Variants in SAMHD1 observed in about 807,000 individuals in gnomAD.
SAMHD1 encodes the protein SAM and HD domain containing deoxynucleoside triphosphate triphosphohydrolase 1, also known as deoxynucleoside triphosphate triphosphohydrolase SAMHD1.
In SAMHD1, 54 loss-of-function variants were observed where a neutral mutation model predicts 79.6. The ratio of observed to expected loss-of-function variants is 0.68; its 90% CI spans 0.55 to 0.85. The LOEUF is 0.85. Ranked by LOEUF, SAMHD1 falls within the 40% of genes least tolerant of loss-of-function variation. The pLI is 0.00. For synonymous variants in SAMHD1, 260 were observed against 264.1 expected, an observed-to-expected ratio of 0.98 and a Z score of 0.15; for missense variants, 663 against 782.7, an observed-to-expected ratio of 0.85 and a Z score of 1.82.
chr20:36,911,184 A>G (rs1176217428), intron 11 of SAMHD1, 34 bp downstream of exon 11: 6 of 1,276,514 alleles, frequency 4.7e-6, no homozygotes, highest in Non-Finnish European at 6.9e-6. Flanking sequence ...AGTTTATCTG[A>G]GATGGACCAT....
At chr20:36,935,844 T>C (rs2063600175) in intron 3 of SAMHD1, among the ~76,000 whole-genome samples, 1 of 152,160 alleles carries the variant, frequency 6.6e-6, no homozygotes, top group African/African-American at 2.4e-5. Context: ...GTGTTGGGAT[T>C]ACAGGCGTGA....
intron 3 of SAMHD1, among the ~76,000 whole-genome samples, chr20:36,938,039 T>C (rs1048137418): frequency 6.6e-6 from 1 of 151,962 alleles, no homozygotes. Flanking sequence ...TTCTATTGTT[T>C]TCTATTGTTT....
chr20:36,898,511 T>G lies in SAMHD1; in HGVS notation c.1537A>C (p.Asn513His). The stretch of plus-strand genomic sequence containing the variant: ...TAGAAGCTAACATGATCAATTGGAT[T>G]CTTTTCTTGCATTCCATAATCCATG... ...INMDYGMQEK[N>H]PIDHVSFYCK... The change falls in exon 14 of 16, where the codon AAT becomes CAT. Residue 513 changes from asparagine to histidine, a missense_variant. Physicochemically the swap from Asn to His is moderately conservative, Grantham distance 68. Coordinates refer to ENST00000646673, the MANE Select transcript of SAMHD1 (RefSeq NM_015474.4). The G allele has an allele frequency of 6.2e-7, 1 of 1,613,970 alleles. No homozygotes were observed. The highest frequency in any genetic ancestry group is 8.5e-7 in the Non-Finnish European group (1 of 1,179,900).
intron 3 of SAMHD1, among the ~76,000 whole-genome samples, chr20:36,936,814 C>A (rs1040762039): frequency 1.3e-5 from 2 of 151,946 alleles, no homozygotes; most frequent in Non-Finnish European, 1.5e-5. Context: ...TGGAACTATA[C>A]CACGCCTGGC....
intron 13 of SAMHD1, among the ~76,000 whole-genome samples, chr20:36,901,525 C>T (rs59297494): frequency 0.012 from 1,799 of 152,168 alleles, 56 homozygotes; most frequent in African/African-American, 0.041. Flanking sequence ...TGCTTGAGGC[C>T]AGGAGTTTGA....
chr20:36,915,300 T>TATGATA (rs1242647640), intron 9 of SAMHD1, among the ~76,000 whole-genome samples: 1 of 152,204 alleles, frequency 6.6e-6, no homozygotes, highest in Non-Finnish European at 1.5e-5. Flanking sequence ...ATAGTGCCAC[T>TATGATA]GTACTCCAGC....
Position 36,946,786 on chromosome 20 carries a change from G to A in SAMHD1, c.227C>T (p.Ala76Val). The stretch of plus-strand genomic sequence containing the variant: ...AGACTCATCAAGACAAGGCAGTAAT[G>A]CGCCTGTGATTTCATTTTCTATGGA... ...KNIRENEITG[A>V]LLPCLDESRF... is the part of the protein sequence containing the mutation. The change falls in exon 2 of 16, where the codon GCA becomes GTA. Residue 76 changes from alanine to valine, a missense_variant. Physicochemically the swap from Ala to Val is moderately conservative, Grantham distance 64. Transcript: ENST00000646673. The A allele has an allele frequency of 6.2e-7, 1 of 1,612,752 alleles. No homozygotes were observed. Among genetic ancestry groups the A allele is most frequent in the Non-Finnish European group, 8.5e-7 (1 of 1,179,068 alleles).
At position 36,905,450 on chromosome 20, in the gene SAMHD1, G is replaced by T. The variant is rs369587937; in HGVS notation, c.1324C>A (p.Arg442=). 7 of 1,612,988 alleles carry T rather than the reference G, an allele frequency of 4.3e-6. No individual in the cohort carries two copies. In the African/African-American group the frequency reaches 8.0e-5, roughly 18 times the overall value. Reference sequence around the variant, plus strand: ...TATTCAATTTGTTTTAAAATCTCTCGTGCGTCTTTCAATTTGGGATCAGTA... The same window carrying T: ...TATTCAATTTGTTTTAAAATCTCTCTTGCGTCTTTCAATTTGGGATCAGTA... ...YSTDPKLKDA[R]EILKQIEYRN... The change falls in exon 12 of 16, where the codon CGA becomes AGA. Residue 442 remains arginine (R), a synonymous_variant. Transcript: ENST00000646673.
Position 36,937,295 on chromosome 20 carries a change from T to G in SAMHD1, c.349-2106A>C, listed in dbSNP as rs1425275726. Among the ~76,000 whole-genome samples, 5 of 152,084 alleles carry G rather than the reference T, an allele frequency of 3.3e-5. No individual in the cohort carries two copies. The East Asian group carries it at 9.6e-4, about 29-fold the overall frequency. On this transcript the variant is annotated intron_variant, in intron 3 of 15. Coordinates refer to ENST00000646673, the MANE Select transcript of SAMHD1 (RefSeq NM_015474.4). ...AGAACACTGTGTCAAGAACAAACCA[T>G]GGTGACCTTGGGTTCGGCAATGGTT...
intron 14 of SAMHD1, 75 bp downstream of exon 14, chr20:36,898,365 G>A (rs566825934): frequency 1.8e-6 from 2 of 1,125,782 alleles, no homozygotes; most frequent in African/African-American, 3.1e-5. Context: ...AACCTAATTT[G>A]CATATAAAAT....
At chr20:36,920,088 A>T (rs1451402766) in intron 6 of SAMHD1, among the ~76,000 whole-genome samples, 1 of 152,154 alleles carries the variant, frequency 6.6e-6, no homozygotes, top group South Asian at 2.1e-4. Flanking sequence ...TCAAGATGAA[A>T]AACAAAACCT....
rs550712793 is a variant in SAMHD1 at position 36,911,485 on chromosome 20, C to G, written c.1155-152G>C. 9 of 640,318 alleles carry G rather than the reference C, an allele frequency of 1.4e-5. No individual in the cohort carries two copies. In the South Asian group the frequency reaches 1.5e-4, roughly 11 times the overall value. 39.7% of individuals were successfully genotyped at this position (640,318 alleles called of 1,614,324 possible). ...GCTTCTCCACCGTACTAAATTTGTGCTTGGTAAGCTGTGAGCTGCCATGCT... is the reference window on the plus strand; with the variant it reads ...GCTTCTCCACCGTACTAAATTTGTGGTTGGTAAGCTGTGAGCTGCCATGCT... On this transcript the variant is annotated intron_variant, in intron 10 of 15. Transcript: ENST00000646673.
chr20:36,946,580 A>G (rs1446532607), intron 2 of SAMHD1, 158 bp downstream of exon 2: 2 of 616,196 alleles, frequency 3.2e-6, no homozygotes, highest in Non-Finnish European at 5.9e-6. Context: ...TCAAAAAACA[A>G]ATGAACAAAC....
chr20:36,933,346 TG>T (rs2063579573), intron 4 of SAMHD1, among the ~76,000 whole-genome samples: 1 of 152,226 alleles, frequency 6.6e-6, no homozygotes, highest in Admixed American at 6.6e-5. Context: ...AGATTATGAA[TG>T]CTTTTTTAAC....
Position 36,916,730 on chromosome 20 carries a change from T to C in SAMHD1, c.1054A>G (p.Arg352Gly), listed in dbSNP as rs1358249926. The C allele has an allele frequency of 6.2e-7, 1 of 1,610,448 alleles. No individual in the cohort carries two copies. Among genetic ancestry groups the C allele is most frequent in the Non-Finnish European group, 8.5e-7 (1 of 1,176,828 alleles). The change falls in exon 9 of 16, where the codon AGA becomes GGA. Residue 352 changes from arginine to glycine, a missense_variant. Arg to Gly is a moderately radical substitution (Grantham distance 125). Transcript: ENST00000646673. ...EVDNELRICA[R>G]DKEVGNLYDM... The stretch of plus-strand genomic sequence containing the variant: ...CCTCTGGCACAGCTTACCTTATCTC[T>C]AGCACAAATACGCAACTCATTGTCT...
At position 36,892,929 on chromosome 20, in the gene SAMHD1, C is replaced by A. The variant is rs747049626; in HGVS notation, c.*3G>T. 6.2e-7 allele frequency: 1 copy of A among 1,613,942 alleles called. No individual in the cohort carries two copies. Among genetic ancestry groups the A allele is most frequent in the South Asian group, 1.1e-5 (1 of 91,062 alleles). On this transcript the variant is annotated 3_prime_UTR_variant, in exon 16 of 16. Transcript: ENST00000646673. ...GAGTTTGTAAACAACTGACTACAGA[C>A]ATTCACATTGGGTCATCTTTAAAAA...
chr20:36,904,408 G>C (rs1282508947), intron 12 of SAMHD1, 159 bp from the exon 13 acceptor site: 5 of 656,572 alleles, frequency 7.6e-6, no homozygotes, highest in South Asian at 3.3e-5. Flanking sequence ...TAAACAAAGA[G>C]AGCATTTTTG....
intron 9 of SAMHD1, among the ~76,000 whole-genome samples, chr20:36,913,620 A>C (rs1030318743): frequency 1.7e-4 from 25 of 151,038 alleles, no homozygotes; most frequent in South Asian, 1.5e-3. Context: ...AAAAAAAAAA[A>C]CCCTAAAATC....
Position 36,892,736 on chromosome 20 carries a change from T to G in SAMHD1, c.*196A>C. 1.4e-6 allele frequency: 1 copy of G among 694,524 alleles called. No individual in the cohort carries two copies. Among genetic ancestry groups the G allele is most frequent in the Non-Finnish European group, 2.6e-6 (1 of 388,122 alleles). 43.0% of individuals were successfully genotyped at this position (694,524 alleles called of 1,614,324 possible). The stretch of plus-strand genomic sequence containing the variant: ...ATAATATTAAAAATAGGCAAGGTAA[T>G]GCTTTTCATAGTATAGTAAGATTTG... On this transcript the variant is annotated 3_prime_UTR_variant, in exon 16 of 16. Coordinates refer to ENST00000646673, the MANE Select transcript of SAMHD1 (RefSeq NM_015474.4).
Sources: gnomAD v4.1 joint callset for allele counts (sites outside exome capture counted in the v4.1 genomes callset) on GRCh38, gnomAD v4.1.1 for gene constraint, MANE v1.5 for transcripts, NCBI Gene and HGNC (gene_info 2026-07-23, HGNC 2026-07-21) for gene names.